PRKAR2B: variants seen among roughly 807,000 people sequenced by gnomAD.
PRKAR2B encodes the protein protein kinase cAMP-dependent type II regulatory subunit beta, also known as cAMP-dependent protein kinase type II-beta regulatory subunit.
A neutral mutation model predicts 49.9 loss-of-function variants in PRKAR2B; 14 were observed. That is an observed-to-expected ratio of 0.28 (90% CI 0.19 to 0.44). The LOEUF (loss-of-function observed/expected upper bound fraction) is 0.44, where lower values mean the gene tolerates loss of function less well. Ranked by LOEUF, PRKAR2B falls within the 20% of genes least tolerant of loss-of-function variation. The pLI, the probability that PRKAR2B is intolerant of heterozygous loss-of-function variation, is 1.00. For synonymous variants in PRKAR2B, 196 were observed against 197.7 expected, an observed-to-expected ratio of 0.99 and a Z score of 0.07; for missense variants, 393 against 537.9, an observed-to-expected ratio of 0.73 and a Z score of 2.67.
At chr7:107,154,327 C>A (rs1468610880) in intron 8 of PRKAR2B, among the ~76,000 whole-genome samples, 2 of 152,146 alleles carry the variant, frequency 1.3e-5, no homozygotes, top group African/African-American at 4.8e-5. Flanking sequence ...ATAACAATAT[C>A]AAAACTAGGA....
At chr7:107,140,768 C>T in intron 4 of PRKAR2B, 79 bp from the exon 5 acceptor site, 1 of 1,024,294 alleles carries the variant, frequency 9.8e-7, no homozygotes, top group Non-Finnish European at 1.4e-6. Context: ...GACTTGTTCA[C>T]AGAAATATAA....
chr7:107,101,455 G>A (rs1794964460), intron 2 of PRKAR2B, among the ~76,000 whole-genome samples: 1 of 152,190 alleles, frequency 6.6e-6, no homozygotes, highest in South Asian at 2.1e-4. Context: ...CTAGAGATAT[G>A]TAGAGGGCTA....
chr7:107,146,371 T>C lies in PRKAR2B; in HGVS notation c.651T>C (p.Asn217=). 1 of 1,614,136 alleles carries C rather than the reference T, an allele frequency of 6.2e-7. No homozygotes were observed. The highest frequency in any genetic ancestry group is 1.1e-5 in the South Asian group (1 of 91,082). ...GVGRCVGNYD[N]RGSFGELALM... ...GAAGATGTGTTGGTAACTATGATAA[T>C]CGTGGGAGTTTCGGCGAACTGGCCT... The change falls in exon 6 of 11, where the codon AAT becomes AAC. Residue 217 remains asparagine, a synonymous_variant. Coordinates refer to ENST00000265717, the MANE Select transcript of PRKAR2B (RefSeq NM_002736.3).
chr7:107,139,836 T>C (rs554920181), intron 4 of PRKAR2B, among the ~76,000 whole-genome samples: 1 of 152,366 alleles, frequency 6.6e-6, no homozygotes, highest in East Asian at 1.9e-4. Context: ...CTTCAACCTG[T>C]GTTTTCCACT....
In PRKAR2B at chr7:107,160,914, C is replaced by A. The variant is rs905567318; in HGVS notation, c.*1332C>A. The A allele has an allele frequency of 6.6e-6, 1 of 152,138 alleles. No individual in the cohort carries two copies. The highest frequency in any genetic ancestry group is 6.5e-5 in the Admixed American group (1 of 15,274). The allele number at this position is 152,138 out of a possible 1,614,324, so 9.4% of individuals were successfully genotyped here. A position where few individuals can be genotyped will look rare whatever the true frequency, so the allele number is the denominator to read the frequency against. On this transcript the variant is annotated 3_prime_UTR_variant, in exon 11 of 11. Coordinates refer to ENST00000265717, the MANE Select transcript of PRKAR2B (RefSeq NM_002736.3). ...AATATACTCTTACATGATTTCTAGGCCCCATGACCCAGTGTCTAGAGACAT... is the reference window on the plus strand; with the variant it reads ...AATATACTCTTACATGATTTCTAGGACCCATGACCCAGTGTCTAGAGACAT...
chr7:107,100,121 T>A (rs1382589322), intron 2 of PRKAR2B, among the ~76,000 whole-genome samples: 1 of 152,162 alleles, frequency 6.6e-6, no homozygotes, highest in Non-Finnish European at 1.5e-5. Flanking sequence ...TAGATTTGAG[T>A]TACTATCTAG....
chr7:107,142,263 A>G (rs911573449), intron 5 of PRKAR2B, among the ~76,000 whole-genome samples: 1 of 152,148 alleles, frequency 6.6e-6, no homozygotes, highest in Non-Finnish European at 1.5e-5. Context: ...TGTTTAAATC[A>G]AGAGTTGTCA....
chr7:107,128,332 T>C, intron 4 of PRKAR2B, 37 bp downstream of exon 4: 1 of 1,472,720 alleles, frequency 6.8e-7, no homozygotes, highest in South Asian at 1.1e-5. Context: ...GGCTTTGTTT[T>C]TTCCCCCAGT....
At chr7:107,158,663 G>A (rs1481988388) in intron 10 of PRKAR2B, among the ~76,000 whole-genome samples, 1 of 152,092 alleles carries the variant, frequency 6.6e-6, no homozygotes, top group Non-Finnish European at 1.5e-5. Context: ...CTTAGAAATG[G>A]TTTTCAGGAG....
At chr7:107,058,275 G>A (rs1793953547) in intron 1 of PRKAR2B, among the ~76,000 whole-genome samples, 1 of 152,088 alleles carries the variant, frequency 6.6e-6, no homozygotes, top group African/African-American at 2.4e-5. Flanking sequence ...TTTAAATGAG[G>A]CAGATGCTTG....
intron 2 of PRKAR2B, among the ~76,000 whole-genome samples, chr7:107,080,620 A>G (rs1157063781): frequency 6.6e-6 from 1 of 152,218 alleles, no homozygotes; most frequent in Non-Finnish European, 1.5e-5. Flanking sequence ...CAAAGAGGAC[A>G]TAGTTGGATT....
chr7:107,151,323 A>G (rs1795982961), intron 7 of PRKAR2B, among the ~76,000 whole-genome samples: 1 of 152,222 alleles, frequency 6.6e-6, no homozygotes, highest in Non-Finnish European at 1.5e-5. Flanking sequence ...AAGAGCCACT[A>G]GTTGTAACTT....
intron 1 of PRKAR2B, chr7:107,067,457 C>A (rs986244081): frequency 1.3e-5 from 2 of 152,148 alleles, no homozygotes; most frequent in Admixed American, 1.3e-4. Context: ...CTGTCCAATC[C>A]TATGCCCCAT....
At chr7:107,104,114 C>G (rs1795027907) in intron 2 of PRKAR2B, among the ~76,000 whole-genome samples, 1 of 152,154 alleles carries the variant, frequency 6.6e-6, no homozygotes, top group South Asian at 2.1e-4. Flanking sequence ...TTACTGCAAC[C>G]TCCGCCTCCT....
At position 107,078,970 on chromosome 7, in the gene PRKAR2B, A is replaced by G. The variant is rs1484024316; in HGVS notation, c.343+8654A>G. On this transcript the variant is annotated intron_variant, in intron 2 of 10. Transcript: ENST00000265717. Reference sequence around the variant, plus strand: ...TTCACACTGGTGGTTTTGCCAGTCGATGTGGAAGGGCTTGGAAGATAACAT... The same window carrying G: ...TTCACACTGGTGGTTTTGCCAGTCGGTGTGGAAGGGCTTGGAAGATAACAT... 3.9e-5 allele frequency among the ~76,000 whole-genome samples: 6 copies of G among 152,312 alleles called. No homozygotes were observed. The South Asian group carries it at 1.2e-3, about 32-fold the overall frequency.
chr7:107,072,439 A>G (rs1171473029), intron 2 of PRKAR2B, among the ~76,000 whole-genome samples: 1 of 152,178 alleles, frequency 6.6e-6, no homozygotes, highest in East Asian at 1.9e-4. Context: ...TTTTATATAC[A>G]TTTTTAGTCT....
At chr7:107,137,981 A>G (rs1342312883) in intron 4 of PRKAR2B, among the ~76,000 whole-genome samples, 1 of 152,026 alleles carries the variant, frequency 6.6e-6, no homozygotes, top group East Asian at 1.9e-4. Context: ...CTGTGTTTTC[A>G]GACCAAAATT....
chr7:107,119,347 C>T (rs1190037192), intron 2 of PRKAR2B, among the ~76,000 whole-genome samples: 1 of 152,118 alleles, frequency 6.6e-6, no homozygotes, highest in East Asian at 1.9e-4. Context: ...TCACGAGGGC[C>T]GTGCATTTGG....
chr7:107,158,258 TAGAA>T (rs572571914), intron 10 of PRKAR2B, among the ~76,000 whole-genome samples: 56 of 116,660 alleles, frequency 4.8e-4, no homozygotes, highest in South Asian at 1.4e-3. Flanking sequence ...GAAAGTCTAT[TAGAA>T]AGAGTAAAGG....
Sources: gnomAD v4.1 joint callset for allele counts (sites outside exome capture counted in the v4.1 genomes callset) on GRCh38, gnomAD v4.1.1 for gene constraint, MANE v1.5 for transcripts, NCBI Gene and HGNC (gene_info 2026-07-23, HGNC 2026-07-21) for gene names.